RANBP9: variants seen among roughly 807,000 people sequenced by gnomAD.
RANBP9 encodes the protein ran-binding protein 9.
Under a neutral mutation model 84.3 loss-of-function variants are expected in RANBP9, and 15 were observed. The observed-to-expected ratio is 0.18, with a 90% CI of 0.12 to 0.27. RANBP9 has a LOEUF of 0.27. RANBP9 is among the 10% of genes least tolerant of loss of function. The pLI, the probability that RANBP9 is intolerant of heterozygous loss-of-function variation, is 1.00. For missense variants in RANBP9, 809 were observed against 912.8 expected (o/e 0.89, Z 1.46); for synonymous variants, 392 against 349.6 (o/e 1.12, Z -1.35).
At chr6:13,658,103 GTTTAC>G (rs1293493464) in intron 3 of RANBP9, among the ~76,000 whole-genome samples, 1 of 152,058 alleles carries the variant, frequency 6.6e-6, no homozygotes, top group African/African-American at 2.4e-5. Context: ...CTCTTCCTTA[GTTTAC>G]TTTAAGTATT....
At chr6:13,649,435 C>A (rs1765244557) in intron 5 of RANBP9, among the ~76,000 whole-genome samples, 1 of 147,316 alleles carries the variant, frequency 6.8e-6, no homozygotes, top group East Asian at 2.0e-4. Flanking sequence ...AAAGCTCACG[C>A]TGACTAGTTG....
At chr6:13,654,294 AT>A (rs1298023825) in intron 4 of RANBP9, among the ~76,000 whole-genome samples, 4 of 152,192 alleles carry the variant, frequency 2.6e-5, no homozygotes, top group East Asian at 3.8e-4. Flanking sequence ...TATATTCATA[AT>A]TTCCTGATTT....
chr6:13,628,305 A>G (rs1178519637), intron 12 of RANBP9, among the ~76,000 whole-genome samples: 1 of 152,234 alleles, frequency 6.6e-6, no homozygotes, highest in Non-Finnish European at 1.5e-5. Flanking sequence ...AGTGATGACC[A>G]GGACCTAGTC....
chr6:13,632,015 T>A (rs553585451), intron 12 of RANBP9, among the ~76,000 whole-genome samples: 1 of 151,990 alleles, frequency 6.6e-6, no homozygotes, highest in Non-Finnish European at 1.5e-5. Flanking sequence ...CACGCCCACA[T>A]TGCTCCTAGT....
intron 8 of RANBP9, among the ~76,000 whole-genome samples, chr6:13,640,719 G>A (rs1765044657): frequency 6.6e-6 from 1 of 152,298 alleles, no homozygotes; most frequent in Admixed American, 6.5e-5. Flanking sequence ...AATGTAGAAT[G>A]GTGGTTTCCA....
chr6:13,623,942 T>C (rs909979287), intron 13 of RANBP9, among the ~76,000 whole-genome samples: 2 of 152,204 alleles, frequency 1.3e-5, no homozygotes, highest in Non-Finnish European at 2.9e-5. Flanking sequence ...AACTGGTCAC[T>C]TTAAAGATTA....
At chr6:13,639,367 T>C (rs557851295) in intron 9 of RANBP9, among the ~76,000 whole-genome samples, 196 bp downstream of exon 9, 180 of 152,108 alleles carry the variant, frequency 1.2e-3, no homozygotes, top group African/African-American at 4.1e-3. Flanking sequence ...TTAGTAGAGA[T>C]GGGGTTATCA....
chr6:13,687,454 C>T (rs1412048263), intron 2 of RANBP9, among the ~76,000 whole-genome samples: 1 of 151,866 alleles, frequency 6.6e-6, no homozygotes, highest in Non-Finnish European at 1.5e-5. Context: ...CACAACTGCA[C>T]TCCAGCCTGG....
intron 5 of RANBP9, among the ~76,000 whole-genome samples, chr6:13,648,659 C>T (rs1765227160): frequency 1.3e-5 from 2 of 152,170 alleles, no homozygotes; most frequent in South Asian, 4.1e-4. Flanking sequence ...TAAATGTACA[C>T]AATATAAATT....
chr6:13,707,638 T>G (rs1758159902), intron 1 of RANBP9, among the ~76,000 whole-genome samples: 1 of 152,218 alleles, frequency 6.6e-6, no homozygotes, highest in South Asian at 2.1e-4. Flanking sequence ...ACTGGGAAGA[T>G]CTAACCTCCA....
intron 5 of RANBP9, among the ~76,000 whole-genome samples, chr6:13,649,282 T>C (rs572635686): frequency 5.3e-5 from 8 of 152,226 alleles, no homozygotes; most frequent in African/African-American, 1.9e-4. Flanking sequence ...AAGTTGCACA[T>C]GATCATTGGC....
At chr6:13,686,162 T>TGACAGAAA (rs2113339634) in intron 2 of RANBP9, among the ~76,000 whole-genome samples, 1 of 119,568 alleles carries the variant, frequency 8.4e-6, no homozygotes, top group East Asian at 2.9e-4. Flanking sequence ...TGGAGTGTAG[T>TGACAGAAA]GACAGAAACA....
At chr6:13,626,572 G>A (rs561671873) in intron 12 of RANBP9, among the ~76,000 whole-genome samples, 79 of 152,298 alleles carry the variant, frequency 5.2e-4, no homozygotes, top group African/African-American at 1.8e-3. Flanking sequence ...TTCAATAAAT[G>A]ACGTCTTATT....
chr6:13,637,657 C>T (rs1764971727), intron 10 of RANBP9, 151 bp downstream of exon 10: 2 of 681,300 alleles, frequency 2.9e-6, no homozygotes, highest in Non-Finnish European at 4.5e-6. Context: ...CTTTGGGGAA[C>T]TGACTCCCTA....
intron 1 of RANBP9, among the ~76,000 whole-genome samples, chr6:13,707,131 C>T (rs1216910569): frequency 6.6e-6 from 1 of 151,924 alleles, no homozygotes; most frequent in Non-Finnish European, 1.5e-5. Context: ...TCAACCAATC[C>T]TCCTCCCTCA....
At position 13,711,227 on chromosome 6, in the gene RANBP9, G is replaced by C; in HGVS notation, c.279C>G (p.Ala93=). The part of the protein sequence containing the change: ...PPPPPPPPPP[A]SAAAPASGPP... The stretch of plus-strand genomic sequence containing the variant: ...GCCCGCTGGCGGGGGCAGCCGCTGA[G>C]GCAGGGGGAGGCGGGGGCGGCGGCG... The change falls in exon 1 of 14, where the codon GCC becomes GCG. Residue 93 remains alanine (A), a synonymous_variant. Coordinates refer to ENST00000011619, the MANE Select transcript of RANBP9 (RefSeq NM_005493.3). 2.9e-6 allele frequency: 3 copies of C among 1,046,884 alleles called. No individual in the cohort carries two copies. The highest frequency in any genetic ancestry group is 3.4e-6 in the Non-Finnish European group (3 of 870,178). The allele number at this position is 1,046,884 out of a possible 1,614,324, so 64.8% of individuals were successfully genotyped here.
intron 11 of RANBP9, among the ~76,000 whole-genome samples, chr6:13,633,037 A>ATT (rs200169433): frequency 6.9e-6 from 1 of 145,568 alleles, no homozygotes. Context: ...TGAAAAAATA[A>ATT]TTTTTTTTTT....
intron 6 of RANBP9, among the ~76,000 whole-genome samples, chr6:13,643,355 T>G (rs1194171845): frequency 6.6e-6 from 1 of 152,172 alleles, no homozygotes; most frequent in Non-Finnish European, 1.5e-5. Context: ...AACCCAAATA[T>G]CTGTTATCTC....
intron 2 of RANBP9, among the ~76,000 whole-genome samples, chr6:13,666,404 T>C (rs568858297): frequency 2.0e-5 from 3 of 151,812 alleles, no homozygotes; most frequent in Non-Finnish European, 1.5e-5. Flanking sequence ...AAGCACAGCA[T>C]GCAAAAATGT....
Sources: allele counts gnomAD v4.1 joint callset (sites outside exome capture counted in the v4.1 genomes callset), GRCh38; gene constraint gnomAD v4.1.1; transcripts MANE v1.5; gene names NCBI Gene and HGNC (gene_info 2026-07-23, HGNC 2026-07-21).